BAIAP2L1: variants seen among roughly 807,000 people sequenced by gnomAD.
BAIAP2L1 encodes the protein BAR/IMD domain containing adaptor protein 2 like 1.
Under a neutral mutation model 66.3 loss-of-function variants are expected in BAIAP2L1, and 35 were observed. The observed-to-expected ratio is 0.53, with a 90% CI of 0.40 to 0.70. BAIAP2L1 has a LOEUF of 0.70. Among genes scored for constraint, BAIAP2L1 ranks in the 30% least tolerant of loss-of-function variants. The pLI, the probability that BAIAP2L1 is intolerant of heterozygous loss-of-function variation, is 0.00. For missense variants in BAIAP2L1, 622 were observed against 656.9 expected (o/e 0.95, Z 0.58); for synonymous variants, 269 against 248.7 (o/e 1.08, Z -0.77).
At chr7:98,364,090 G>T (rs189213425) in intron 1 of BAIAP2L1, among the ~76,000 whole-genome samples, 1 of 151,808 alleles carries the variant, frequency 6.6e-6, no homozygotes, top group Non-Finnish European at 1.5e-5. Flanking sequence ...AGCAGATGAG[G>T]CCTCAGGTCT....
intron 2 of BAIAP2L1, among the ~76,000 whole-genome samples, chr7:98,359,482 A>G (rs1000964562): frequency 6.6e-6 from 1 of 152,116 alleles, no homozygotes; most frequent in South Asian, 2.1e-4. Flanking sequence ...CATGTTGGCC[A>G]GCCTGGTCTC....
At chr7:98,364,126 A>G (rs1281443120) in intron 1 of BAIAP2L1, among the ~76,000 whole-genome samples, 3 of 151,918 alleles carry the variant, frequency 2.0e-5, no homozygotes, top group African/African-American at 7.3e-5. Context: ...TTCCTTTCCA[A>G]TGGACTTTCT....
At chr7:98,339,035 T>C (rs1801677114) in intron 3 of BAIAP2L1, among the ~76,000 whole-genome samples, 1 of 150,440 alleles carries the variant, frequency 6.6e-6, no homozygotes, top group Admixed American at 6.6e-5. Context: ...ACTGTACCAT[T>C]GCACTCCAGC....
chr7:98,385,468 T>A (rs1232120273), intron 1 of BAIAP2L1, among the ~76,000 whole-genome samples: 1 of 152,100 alleles, frequency 6.6e-6, no homozygotes, highest in Non-Finnish European at 1.5e-5. Context: ...TTGCCCAGGC[T>A]GGAGTGCAGT....
rs999754818 is a variant in BAIAP2L1, at chr7:98,393,720, C to T, written c.51+7082G>A. Among the ~76,000 whole-genome samples the T allele has an allele frequency of 1.9e-3, 278 of 149,388 alleles. 1 individual carries two copies. Among genetic ancestry groups the T allele is most frequent in the Non-Finnish European group, 2.3e-3 (155 of 66,934 alleles). ...CACTGTGGTCTTGATCTCCTGACTT[C>T]GCAATCCGCCCGCCTCGGCCTCCCA... On this transcript the variant is annotated intron_variant, in intron 1 of 13. Coordinates refer to ENST00000005260, the MANE Select transcript of BAIAP2L1 (RefSeq NM_018842.5).
At chr7:98,389,406 C>T (rs1021386924) in intron 1 of BAIAP2L1, among the ~76,000 whole-genome samples, 1 of 152,112 alleles carries the variant, frequency 6.6e-6, no homozygotes, top group African/African-American at 2.4e-5. Context: ...GCAACCTCCG[C>T]CTCCCAGGTT....
intron 1 of BAIAP2L1, among the ~76,000 whole-genome samples, chr7:98,378,865 C>T (rs1802692635): frequency 6.6e-6 from 1 of 152,010 alleles, no homozygotes; most frequent in South Asian, 2.1e-4. Context: ...GAGTCTCGCT[C>T]TGTTGCTCAG....
At chr7:98,328,188 A>T (rs1032648643) in intron 3 of BAIAP2L1, among the ~76,000 whole-genome samples, 30 of 152,254 alleles carry the variant, frequency 2.0e-4, no homozygotes, top group African/African-American at 7.2e-4. Context: ...TAGGAAGAAG[A>T]GCTCATGAGG....
At chr7:98,353,636 T>A (rs1391028105) in intron 3 of BAIAP2L1, among the ~76,000 whole-genome samples, 1 of 139,574 alleles carries the variant, frequency 7.2e-6, no homozygotes, top group Non-Finnish European at 1.5e-5. Flanking sequence ...TATATTTATA[T>A]ATGTATATTA....
chr7:98,357,021 AT>A lies in BAIAP2L1; in HGVS notation c.128-1894del, dbSNP rs1448650953. 7.0e-3 allele frequency among the ~76,000 whole-genome samples: 126 copies of A among 17,884 alleles called. 3 individuals are homozygous for A. The highest frequency in any genetic ancestry group is 0.022 in the East Asian group (11 of 504). The allele number at this position is 17,884 out of a possible 152,430, so 11.7% of individuals were successfully genotyped here. On this transcript the variant is annotated intron_variant, in intron 2 of 13. Transcript: ENST00000005260. ...AAAAAAAAAAAAAAAAAAAAAAAAA[AT>A]ATATATATATATATATATATATATA...
At chr7:98,350,782 C>T (rs1186920534) in intron 3 of BAIAP2L1, among the ~76,000 whole-genome samples, 1 of 152,158 alleles carries the variant, frequency 6.6e-6, no homozygotes, top group Non-Finnish European at 1.5e-5. Flanking sequence ...CAAATAGAAA[C>T]AGACTGGAAA....
rs1384056955 is a variant in BAIAP2L1 at position 98,314,982 on chromosome 7, ATT to A, written c.639+476_639+477del. ...AAACATTATACATGGACGTTTGACC[ATT>A]TCAGCTGTATTTCTATAAGTTTATA... On this transcript the variant is annotated intron_variant, in intron 7 of 13. Transcript: ENST00000005260. Among the ~76,000 whole-genome samples, 3 of 152,210 alleles carry A rather than the reference ATT, an allele frequency of 2.0e-5. No homozygotes were observed. In the East Asian group the frequency reaches 5.8e-4, roughly 29 times the overall value.
chr7:98,344,171 C>T (rs189220621), intron 3 of BAIAP2L1, among the ~76,000 whole-genome samples: 65 of 152,128 alleles, frequency 4.3e-4, no homozygotes, highest in Non-Finnish European at 8.7e-4. Context: ...AGCAAGACTC[C>T]GTTCCAAAAA....
chr7:98,322,932 G>C (rs550661808), intron 3 of BAIAP2L1: 4 of 152,238 alleles, frequency 2.6e-5, no homozygotes, highest in Non-Finnish European at 5.9e-5. Context: ...AGACAAGGTG[G>C]GGTCAGAGGC....
At chr7:98,378,523 C>A (rs1391667004) in intron 1 of BAIAP2L1, among the ~76,000 whole-genome samples, 1 of 152,248 alleles carries the variant, frequency 6.6e-6, no homozygotes, top group Admixed American at 6.5e-5. Context: ...GCAACCCCAG[C>A]CTCTCTCTAG....
intron 13 of BAIAP2L1, 36 bp from the exon 14 acceptor site, chr7:98,293,632 C>A (rs1257117458): frequency 6.3e-7 from 1 of 1,589,278 alleles, no homozygotes; most frequent in African/African-American, 1.3e-5. Flanking sequence ...AGAACTTCTG[C>A]TCTACGAGGG....
At chr7:98,308,514 G>C in intron 9 of BAIAP2L1, 1 of 354,004 alleles carries the variant, frequency 2.8e-6, no homozygotes, top group Non-Finnish European at 5.6e-6. Flanking sequence ...TTATCCACAG[G>C]ACAGACCCCA....
intron 11 of BAIAP2L1, among the ~76,000 whole-genome samples, chr7:98,305,239 T>C (rs1169410178): frequency 6.6e-6 from 1 of 151,652 alleles, no homozygotes; most frequent in African/African-American, 2.4e-5. Flanking sequence ...CCTTTTAAAT[T>C]AGGGGCTGGC....
At chr7:98,376,331 C>G (rs567315634) in intron 1 of BAIAP2L1, among the ~76,000 whole-genome samples, 4 of 151,530 alleles carry the variant, frequency 2.6e-5, no homozygotes, top group African/African-American at 9.7e-5. Context: ...AGTGAGACCC[C>G]GTCTCTACCA....
Sources: gnomAD v4.1 joint callset for allele counts (sites outside exome capture counted in the v4.1 genomes callset) on GRCh38, gnomAD v4.1.1 for gene constraint, MANE v1.5 for transcripts, NCBI Gene and HGNC (gene_info 2026-07-23, HGNC 2026-07-21) for gene names.